RGPD1: variants seen among roughly 807,000 people sequenced by gnomAD.
The protein encoded by RGPD1 is RANBP2 like and GRIP domain containing 1.
A neutral mutation model predicts 40.6 loss-of-function variants in RGPD1; 7 were observed. The ratio of observed to expected loss-of-function variants is 0.17; its 90% CI spans 0.10 to 0.32. The LOEUF is 0.32. RGPD1 is among the 10% of genes least tolerant of loss of function. The pLI is 1.00. For missense variants in RGPD1, 50 were observed against 472.5 expected (o/e 0.11, Z 8.29); for synonymous variants, 24 against 167.0 (o/e 0.14, Z 6.60).
rs1319527943 is a variant in RGPD1, at chr2:86,913,960, C to T, written c.72+39C>T. 4.8e-6 allele frequency: 6 copies of T among 1,240,934 alleles called. 1 individual carries two copies. Among genetic ancestry groups the T allele is most frequent in the African/African-American group, 1.7e-5 (1 of 60,508 alleles). 76.9% of individuals were successfully genotyped at this position (1,240,934 alleles called of 1,614,324 possible). ...GAAGAGACCGACGGCCTCGACCTGG[C>T]GGGGCGGTGGCCTCGACCTGGCCGG... On this transcript the variant is annotated intron_variant, in intron 1 of 22. Transcript: ENST00000398193.
At chr2:86,913,870 C>T (rs375834601) in exon 1 of RGPD1, 47 of 1,579,640 alleles carry the variant, frequency 3.0e-5, no homozygotes, top group South Asian at 1.1e-4. Context: ...GCAAGGCCTA[C>T]GGGGAGCGGT....
chr2:86,925,934 C>T (rs1480211599), intron 1 of RGPD1, among the ~76,000 whole-genome samples: 2 of 152,070 alleles, frequency 1.3e-5, no homozygotes, highest in African/African-American at 4.8e-5. Context: ...TTAAAAAAAT[C>T]CATTTAGTGT....
rs1203023950 is a variant in RGPD1 at position 86,942,135 on chromosome 2, C to T, written c.-102C>T. 13 of 1,466,332 alleles carry T rather than the reference C, an allele frequency of 8.9e-6. No homozygotes were observed. The East Asian group carries it at 2.7e-4, about 30-fold the overall frequency. The allele number at this position is 1,466,332 out of a possible 1,614,324, so 90.8% of individuals were successfully genotyped here. ...CAAGTGCGTCACAGTGGTCCTCCGC[C>T]GGCTACGTCAGTGGCTTTCAGGCGC... On this transcript the variant is annotated 5_prime_UTR_variant, in exon 1 of 23. Transcript: ENST00000641458.
intron 1 of RGPD1, among the ~76,000 whole-genome samples, chr2:86,926,627 A>G (rs1416826561): frequency 1.3e-5 from 2 of 150,364 alleles, no homozygotes; most frequent in African/African-American, 2.4e-5. Context: ...ATATAGATTG[A>G]AAACTTGCTA....
chr2:86,919,379 T>A (rs1677968860), intron 1 of RGPD1, among the ~76,000 whole-genome samples: 1 of 147,858 alleles, frequency 6.8e-6, no homozygotes, highest in African/African-American at 2.6e-5. Context: ...AGTAATCCTG[T>A]TTGATAACGT....
chr2:86,944,394 C>G (rs1680174823), intron 1 of RGPD1, among the ~76,000 whole-genome samples: 1 of 151,918 alleles, frequency 6.6e-6, no homozygotes, highest in African/African-American at 2.4e-5. Flanking sequence ...AAATTAAAGA[C>G]TTTAATTTTT....
intron 1 of RGPD1, among the ~76,000 whole-genome samples, chr2:86,942,813 G>C (rs1419994178): frequency 3.3e-5 from 5 of 151,864 alleles, no homozygotes; most frequent in African/African-American, 1.2e-4. Context: ...TGTGGGCGGC[G>C]TGGCGCTTGC....
At chr2:86,914,636 A>G (rs867298894) in intron 1 of RGPD1, among the ~76,000 whole-genome samples, 440 of 13,694 alleles carry the variant, frequency 0.032, 37 homozygotes, top group African/African-American at 0.13. Flanking sequence ...GGCGGCCTCG[A>G]CCTGGCCGGG....
chr2:86,923,325 C>G (rs1678177218), intron 1 of RGPD1, among the ~76,000 whole-genome samples: 1 of 151,682 alleles, frequency 6.6e-6, no homozygotes, highest in South Asian at 2.1e-4. Context: ...CAGGCATGAG[C>G]CACTGCACCT....
intron 1 of RGPD1, among the ~76,000 whole-genome samples, chr2:86,924,980 G>A (rs1377534941): frequency 1.3e-5 from 2 of 151,460 alleles, no homozygotes; most frequent in Non-Finnish European, 3.0e-5. Context: ...AATTAGCCAG[G>A]CATGATGGCG....
upstream of RGPD1, among the ~76,000 whole-genome samples, chr2:86,941,186 C>A (rs576752148): frequency 6.6e-6 from 1 of 152,074 alleles, no homozygotes; most frequent in East Asian, 1.9e-4. Flanking sequence ...CTTTTAAAAT[C>A]TAAAAGGCTC....
intron 4 of RGPD1, among the ~76,000 whole-genome samples, chr2:86,955,754 G>GTAA (rs1680683242): frequency 9.6e-6 from 1 of 103,932 alleles, no homozygotes; most frequent in Non-Finnish European, 1.9e-5. Flanking sequence ...TTTCTCCCCA[G>GTAA]TAATAAGCAG....
In RGPD1 at chr2:86,929,631, C is replaced by G. The variant is rs554508429; in HGVS notation, c.72+15710C>G. Among the ~76,000 whole-genome samples the G allele has an allele frequency of 1.7e-4, 22 of 129,566 alleles. No homozygotes were observed. In the South Asian group the frequency reaches 5.9e-3, roughly 35 times the overall value. The allele number at this position is 129,566 out of a possible 152,430, so 85.0% of individuals were successfully genotyped here. A position where few individuals can be genotyped will look rare whatever the true frequency, so the allele number is the denominator to read the frequency against. ...ACAGACAACAGATTGGTAAATTTCC[C>G]AAGATCACAAAGTAAGTCAGTAGGA... On this transcript the variant is annotated intron_variant, in intron 1 of 22. Transcript: ENST00000398193.
intron 1 of RGPD1, among the ~76,000 whole-genome samples, chr2:86,926,069 G>A (rs1678472114): frequency 1.3e-5 from 2 of 152,420 alleles, no homozygotes; most frequent in South Asian, 4.1e-4. Flanking sequence ...TTTTGCATAA[G>A]CCCAGAGCCT....
chr2:86,945,460 T>C (rs2104779553), intron 1 of RGPD1, among the ~76,000 whole-genome samples: 1 of 152,314 alleles, frequency 6.6e-6, no homozygotes, highest in East Asian at 1.9e-4. Context: ...TCCCCCAGTT[T>C]GGCAGAGACT....
chr2:86,944,483 A>G (rs901436189), intron 1 of RGPD1, among the ~76,000 whole-genome samples: 5 of 151,878 alleles, frequency 3.3e-5, no homozygotes, highest in African/African-American at 1.2e-4. Flanking sequence ...ACTCACTGCA[A>G]CTTCCGCCTC....
chr2:86,920,226 C>T (rs552500241), intron 1 of RGPD1, among the ~76,000 whole-genome samples: 330 of 151,766 alleles, frequency 2.2e-3, no homozygotes, highest in African/African-American at 2.8e-3. Context: ...TGCACCTCCA[C>T]GCCTGGCTAA....
At chr2:86,938,678 C>G (rs1189234346), upstream of RGPD1, among the ~76,000 whole-genome samples, 1 of 150,076 alleles carries the variant, frequency 6.7e-6, no homozygotes, top group Non-Finnish European at 1.5e-5. Flanking sequence ...CAGGCCTAGG[C>G]AAAAGTTTTG....
At chr2:86,930,770 C>A (rs1004954547) in intron 1 of RGPD1, 1 of 1,272,652 alleles carries the variant, frequency 7.9e-7, no homozygotes, top group Non-Finnish European at 1.1e-6. Context: ...CACCTACAGC[C>A]CCCTGAGGAC....
Sources: allele counts gnomAD v4.1 joint callset (sites outside exome capture counted in the v4.1 genomes callset), GRCh38; gene constraint gnomAD v4.1.1; transcripts MANE v1.5; gene names NCBI Gene and HGNC (gene_info 2026-07-23, HGNC 2026-07-21).